Variants in ATG7 observed in about 807,000 individuals in gnomAD.
ATG7 encodes autophagy related 7.
ATG7 carries 70 observed loss-of-function variants against 82.4 expected under a neutral mutation model. The observed-to-expected ratio is 0.85, with a 90% CI of 0.70 to 1.04. The LOEUF (loss-of-function observed/expected upper bound fraction) is 1.04, where lower values mean the gene tolerates loss of function less well. Among genes scored for constraint, ATG7 ranks in the 50% least tolerant of loss-of-function variants. The pLI is 0.00. For synonymous variants in ATG7, 287 were observed against 313.0 expected (o/e 0.92, Z 0.88); for missense variants, 792 against 864.3 (o/e 0.92, Z 1.05).
At chr3:11,273,520 T>G (rs1940989958) in intron 1 of ATG7, among the ~76,000 whole-genome samples, 2 of 152,228 alleles carry the variant, frequency 1.3e-5, no homozygotes, top group African/African-American at 4.8e-5. Context: ...TTTTCTTCTC[T>G]AGGCTAAGCA....
intron 20 of ATG7, among the ~76,000 whole-genome samples, chr3:11,467,160 C>T (rs1010379330): frequency 6.6e-6 from 1 of 151,844 alleles, no homozygotes; most frequent in Non-Finnish European, 1.5e-5. Flanking sequence ...AAACTGATGG[C>T]TTCTTAACCC....
At chr3:11,485,436 C>T (rs970300839) in intron 20 of ATG7, among the ~76,000 whole-genome samples, 13 of 152,214 alleles carry the variant, frequency 8.5e-5, no homozygotes, top group African/African-American at 2.4e-4. Context: ...AGATTCTGGA[C>T]ATTAGCCCTT....
intron 19 of ATG7, among the ~76,000 whole-genome samples, chr3:11,380,589 A>G (rs1476607406): frequency 6.6e-6 from 1 of 152,216 alleles, no homozygotes; most frequent in Non-Finnish European, 1.5e-5. Context: ...CGGCTGATAT[A>G]TCTCAAAACT....
intron 20 of ATG7, among the ~76,000 whole-genome samples, chr3:11,446,011 C>T (rs1229053831): frequency 1.3e-5 from 2 of 152,168 alleles, no homozygotes; most frequent in Non-Finnish European, 2.9e-5. Context: ...GAAAAGAAAG[C>T]ACAGTAGGAT....
At chr3:11,298,123 G>A (rs1946236547) in intron 3 of ATG7, among the ~76,000 whole-genome samples, 1 of 151,830 alleles carries the variant, frequency 6.6e-6, no homozygotes, top group East Asian at 1.9e-4. Flanking sequence ...AGGTTGTAGT[G>A]AGCCGAGATT....
At chr3:11,358,196 G>C (rs573453294) in intron 14 of ATG7, among the ~76,000 whole-genome samples, 2 of 152,006 alleles carry the variant, frequency 1.3e-5, no homozygotes, top group Non-Finnish European at 2.9e-5. Flanking sequence ...GTCTCTGTTT[G>C]CTGCCCTGCC....
rs192779603 is a variant in ATG7 at position 11,341,446 on chromosome 3, T to C, written c.981-689T>C. Among the ~76,000 whole-genome samples, 586 of 151,794 alleles carry C rather than the reference T, an allele frequency of 3.9e-3. 7 individuals are homozygous for C. The highest frequency in any genetic ancestry group is 0.013 in the African/African-American group (549 of 41,396). On this transcript the variant is annotated intron_variant, in intron 12 of 20. Transcript: ENST00000693202. ...AAGGGCGAATCTCAGTGCACTCTTT[T>C]TTTTTTTTCTTTTTTTTTGAGACAG...
intron 20 of ATG7, among the ~76,000 whole-genome samples, chr3:11,530,391 A>G (rs187450355): frequency 8.5e-5 from 13 of 152,282 alleles, no homozygotes; most frequent in Non-Finnish European, 1.6e-4. Context: ...AACAGCCAGA[A>G]TGACCTGAGC....
At chr3:11,427,777 T>C (rs965869850) in intron 20 of ATG7, among the ~76,000 whole-genome samples, 6 of 150,018 alleles carry the variant, frequency 4.0e-5, no homozygotes, top group African/African-American at 1.5e-4. Context: ...ATTGTGCCAC[T>C]GCACTCCAGT....
chr3:11,340,151 C>T (rs1953289017), intron 11 of ATG7, among the ~76,000 whole-genome samples: 1 of 152,066 alleles, frequency 6.6e-6, no homozygotes, highest in South Asian at 2.1e-4. Flanking sequence ...ATGACAGTCA[C>T]CTTGGACTGT....
intron 7 of ATG7, among the ~76,000 whole-genome samples, chr3:11,309,346 A>C (rs1948266104): frequency 6.6e-6 from 1 of 152,194 alleles, no homozygotes; most frequent in Non-Finnish European, 1.5e-5. Flanking sequence ...CATTGTTGCT[A>C]ACGCCTTTGT....
Position 11,392,230 on chromosome 3 carries a change from C to T in ATG7, c.1956+12178C>T, listed in dbSNP as rs181759639. Among the ~76,000 whole-genome samples the T allele has an allele frequency of 4.5e-4, 69 of 152,172 alleles. 1 individual carries two copies. The highest frequency in any genetic ancestry group is 1.4e-3 in the African/African-American group (58 of 41,494). On this transcript the variant is annotated intron_variant, in intron 19 of 20. Transcript: ENST00000693202. ...TGTTTATGACAAACATAGTTCATCT[C>T]CCATTTTGGTTAATTCTCAGCTTAA...
chr3:11,482,690 A>T (rs1171186508), intron 20 of ATG7, among the ~76,000 whole-genome samples: 1 of 152,090 alleles, frequency 6.6e-6, no homozygotes, highest in Non-Finnish European at 1.5e-5. Context: ...TCTGAGTGAT[A>T]GAGAGCTGAC....
chr3:11,275,594 G>A (rs533457802), intron 1 of ATG7, among the ~76,000 whole-genome samples: 74 of 146,288 alleles, frequency 5.1e-4, no homozygotes, highest in African/African-American at 1.6e-3. Flanking sequence ...TCCTGACCTC[G>A]TGATCCGCCT....
chr3:11,329,992 G>A (rs1465509591), intron 9 of ATG7, among the ~76,000 whole-genome samples: 1 of 152,064 alleles, frequency 6.6e-6, no homozygotes, highest in Admixed American at 6.5e-5. Flanking sequence ...ACATTTTTGA[G>A]GAGTACTGAT....
At chr3:11,450,045 G>A (rs1044834643) in intron 20 of ATG7, among the ~76,000 whole-genome samples, 3 of 152,314 alleles carry the variant, frequency 2.0e-5, no homozygotes, top group African/African-American at 7.2e-5. Context: ...AGGGTGGTCT[G>A]TTTCTTCTTT....
At chr3:11,397,192 G>T (rs1424537115) in intron 19 of ATG7, among the ~76,000 whole-genome samples, 1 of 151,968 alleles carries the variant, frequency 6.6e-6, no homozygotes, top group East Asian at 1.9e-4. Context: ...TAAACTTACA[G>T]AATGACTGAA....
At chr3:11,443,366 T>C (rs948467268) in intron 20 of ATG7, among the ~76,000 whole-genome samples, 84 of 152,152 alleles carry the variant, frequency 5.5e-4, no homozygotes, top group African/African-American at 1.9e-3. Flanking sequence ...GCACCATGCA[T>C]GTTTGAGGTG....
chr3:11,358,759 G>C, intron 15 of ATG7, 147 bp downstream of exon 15: 1 of 791,326 alleles, frequency 1.3e-6, no homozygotes, highest in African/African-American at 1.7e-5. Flanking sequence ...TTCAGACTCT[G>C]TCTTTGCCTC....
Sources: gnomAD v4.1 joint callset for allele counts (sites outside exome capture counted in the v4.1 genomes callset) on GRCh38, gnomAD v4.1.1 for gene constraint, MANE v1.5 for transcripts, NCBI Gene and HGNC (gene_info 2026-07-23, HGNC 2026-07-21) for gene names.